TTC1: variants seen among roughly 807,000 people sequenced by gnomAD.
The protein encoded by TTC1 is tetratricopeptide repeat protein 1.
Under a neutral mutation model 37.6 loss-of-function variants are expected in TTC1, and 31 were observed. The ratio of observed to expected loss-of-function variants is 0.82; its 90% CI spans 0.62 to 1.11. The LOEUF (loss-of-function observed/expected upper bound fraction) is 1.11, where lower values mean the gene tolerates loss of function less well. Among genes scored for constraint, TTC1 ranks in the 50% most tolerant of loss-of-function variants. The pLI, the probability that TTC1 is intolerant of heterozygous loss-of-function variation, is 0.00. For synonymous variants in TTC1, 127 were observed against 122.4 expected (o/e 1.04, Z -0.25); for missense variants, 351 against 339.0 (o/e 1.04, Z -0.28).
intron 3 of TTC1, among the ~76,000 whole-genome samples, chr5:160,036,354 CT>C (rs1756998821): frequency 6.6e-6 from 1 of 152,152 alleles, no homozygotes; most frequent in Admixed American, 6.5e-5. Flanking sequence ...CTGTAACCTC[CT>C]TTGAAAACTC....
Position 160,010,803 on chromosome 5 carries a change from T to C in TTC1, c.275T>C (p.Leu92Pro), listed in dbSNP as rs1756488841. 4.3e-6 allele frequency: 7 copies of C among 1,614,058 alleles called. No homozygotes were observed. Among genetic ancestry groups the C allele is most frequent in the Middle Eastern group, 1.6e-4 (1 of 6,074 alleles). ...KSNEDVNSSELDEEYLIELEK... is the reference protein window; with the variant it reads ...KSNEDVNSSEPDEEYLIELEK... ...AATGAAGATGTGAATTCCTCTGAAC[T>C]AGATGAAGAATACCTAATAGAACTG... Residue 92 changes from leucine (L) to proline (P), a missense_variant, in exon 2 of 8, where the codon CTA becomes CCA. By Grantham distance (98) the Leu-to-Pro change is moderately conservative. Transcript: ENST00000231238.
At chr5:160,033,328 A>G (rs1174142683) in intron 2 of TTC1, among the ~76,000 whole-genome samples, 1 of 152,142 alleles carries the variant, frequency 6.6e-6, no homozygotes, top group Admixed American at 6.6e-5. Flanking sequence ...TGTGTCTGGC[A>G]CATAGTATGT....
rs527685744 is a variant in TTC1, at chr5:160,057,327, A to AT, written c.745+6150dup. On this transcript the variant is annotated intron_variant, in intron 7 of 7. Transcript: ENST00000231238. The surrounding 1 kb of genome is among the most constrained non-coding windows in gnomAD (Gnocchi z 4.4). The stretch of plus-strand genomic sequence containing the variant: ...CAGCACAATAAAGCGAGTCACAAGA[A>AT]TTTTTTGTTTCCCAGTGCATACAGA... Among the ~76,000 whole-genome samples, 2 of 152,134 alleles carry AT rather than the reference A, an allele frequency of 1.3e-5. No individual in the cohort carries two copies. Among genetic ancestry groups the AT allele is most frequent in the South Asian group, 4.1e-4 (2 of 4,826 alleles).
intron 5 of TTC1, among the ~76,000 whole-genome samples, chr5:160,046,044 G>T (rs904887817): frequency 1.3e-5 from 2 of 152,052 alleles, no homozygotes; most frequent in African/African-American, 4.8e-5. Flanking sequence ...CCCAGCTCAA[G>T]ATTAGGGTTC....
chr5:160,020,475 C>T (rs975778816), intron 2 of TTC1, among the ~76,000 whole-genome samples: 3 of 152,206 alleles, frequency 2.0e-5, no homozygotes, highest in Non-Finnish European at 2.9e-5. Flanking sequence ...GGGTCGTCAA[C>T]CCCCGGCCAT....
At chr5:160,058,613 G>T (rs943647828) in intron 7 of TTC1, among the ~76,000 whole-genome samples, 2 of 151,774 alleles carry the variant, frequency 1.3e-5, no homozygotes, top group African/African-American at 4.8e-5. Flanking sequence ...GGGTTTCACC[G>T]TGGTAGCCAG....
At chr5:160,012,433 C>T (rs562811538) in intron 2 of TTC1, among the ~76,000 whole-genome samples, 2 of 151,698 alleles carry the variant, frequency 1.3e-5, no homozygotes, top group Admixed American at 6.6e-5. Context: ...GATGTGATCA[C>T]GGCTCACTGC....
intron 3 of TTC1, chr5:160,036,446 C>T (rs1239689646): frequency 2.7e-6 from 1 of 369,894 alleles, no homozygotes; most frequent in African/African-American, 2.0e-5. Context: ...TTGTCACTGA[C>T]AGCATGTTCA....
chr5:160,054,619 A>C (rs925287728), intron 7 of TTC1, among the ~76,000 whole-genome samples: 3 of 152,210 alleles, frequency 2.0e-5, no homozygotes, highest in African/African-American at 7.2e-5. Flanking sequence ...AAAAGAAAGA[A>C]AAAAGAAAAG....
intron 5 of TTC1, among the ~76,000 whole-genome samples, chr5:160,046,225 C>T (rs755621871): frequency 1.3e-5 from 2 of 152,178 alleles, no homozygotes; most frequent in Admixed American, 1.3e-4. Flanking sequence ...CCATTGAAAC[C>T]CATCTTGTAA....
chr5:160,030,503 T>A (rs1183781692), intron 2 of TTC1, among the ~76,000 whole-genome samples: 2 of 152,214 alleles, frequency 1.3e-5, no homozygotes, highest in African/African-American at 4.8e-5. Flanking sequence ...TGAGCTGATG[T>A]ATGTGACAGC....
chr5:160,030,025 A>G (rs536211693), intron 2 of TTC1, among the ~76,000 whole-genome samples: 18 of 152,158 alleles, frequency 1.2e-4, no homozygotes, highest in Non-Finnish European at 2.6e-4. Flanking sequence ...TAACACTCCA[A>G]ATTTTTTGCA....
chr5:160,028,768 C>T (rs1184396532), intron 2 of TTC1, among the ~76,000 whole-genome samples: 37 of 152,256 alleles, frequency 2.4e-4, no homozygotes, highest in Admixed American at 2.4e-3. Flanking sequence ...GCTACTGCCC[C>T]TGGCCTGCCC....
chr5:160,052,213 T>C (rs571103188), intron 7 of TTC1, among the ~76,000 whole-genome samples: 5 of 152,304 alleles, frequency 3.3e-5, no homozygotes, highest in African/African-American at 1.2e-4. Context: ...AATTTACATA[T>C]TTAATTAAAC....
In TTC1 at chr5:160,057,101, G is replaced by T. The variant is rs577250395; in HGVS notation, c.745+5918G>T. 6.6e-6 allele frequency among the ~76,000 whole-genome samples: 1 copy of T among 152,146 alleles called. No homozygotes were observed. Among genetic ancestry groups the T allele is most frequent in the Non-Finnish European group, 1.5e-5 (1 of 68,028 alleles). On this transcript the variant is annotated intron_variant, in intron 7 of 7. Transcript: ENST00000231238. The surrounding 1 kb of genome is among the most constrained non-coding windows in gnomAD (Gnocchi z 4.4). ...AGAAACCAATTCCTTGTTGTGGTTG[G>T]TTGTTCCCTCAGTAGAGAATATCAG...
intron 4 of TTC1, among the ~76,000 whole-genome samples, chr5:160,039,611 CAG>C (rs1277535139): frequency 6.6e-6 from 1 of 152,034 alleles, no homozygotes; most frequent in Admixed American, 6.6e-5. Context: ...TTTGAGGAGA[CAG>C]TGGATAAGAT....
At chr5:160,029,506 G>C (rs1278808303) in intron 2 of TTC1, among the ~76,000 whole-genome samples, 6 of 148,186 alleles carry the variant, frequency 4.0e-5, no homozygotes, top group African/African-American at 1.5e-4. Context: ...AAAATAGCTA[G>C]GCGTGGTGGT....
intron 2 of TTC1, among the ~76,000 whole-genome samples, chr5:160,014,648 A>G (rs1756568777): frequency 6.6e-6 from 1 of 152,174 alleles, no homozygotes; most frequent in South Asian, 2.1e-4. Context: ...GGCTGCAGTG[A>G]GCCATGATCA....
At chr5:160,053,151 AT>A (rs77486490) in intron 7 of TTC1, among the ~76,000 whole-genome samples, 10,915 of 152,238 alleles carry the variant, frequency 0.072, 470 homozygotes, top group East Asian at 0.12. Flanking sequence ...GTTCTGTGAG[AT>A]TCCCTAGAGG....
Sources: gnomAD v4.1 joint callset for allele counts (sites outside exome capture counted in the v4.1 genomes callset) on GRCh38, gnomAD v4.1.1 for gene constraint, Gnocchi (gnomAD v3.1) non-coding constraint, MANE v1.5 for transcripts, NCBI Gene and HGNC (gene_info 2026-07-23, HGNC 2026-07-21) for gene names.